The following SGCZ variants were observed in gnomAD, a reference collection of about 807,000 sequenced individuals.
The protein encoded by SGCZ is zeta-sarcoglycan.
In SGCZ, 40 loss-of-function variants were observed where a neutral mutation model predicts 41.3. The ratio of observed to expected loss-of-function variants is 0.97; its 90% CI spans 0.75 to 1.26. SGCZ has a LOEUF of 1.26. Among genes scored for constraint, SGCZ ranks in the 50% most tolerant of loss-of-function variants. The pLI, the probability that SGCZ is intolerant of heterozygous loss-of-function variation, is 0.00. For synonymous variants in SGCZ, 206 were observed against 137.5 expected, an observed-to-expected ratio of 1.50 and a Z score of -3.49; for missense variants, 552 against 369.8, an observed-to-expected ratio of 1.49 and a Z score of -4.04.
intron 1 of SGCZ, among the ~76,000 whole-genome samples, chr8:14,802,856 G>A (rs535731699): frequency 6.6e-6 from 1 of 152,114 alleles, no homozygotes; most frequent in African/African-American, 2.4e-5. Context: ...AAAGCATCCT[G>A]TTACAGGCAC....
chr8:14,905,997 A>T lies in SGCZ; in HGVS notation c.39+331588T>A, dbSNP rs550824343. ...TAGGAATGTGGTTGAAATATTTTTT[A>T]AAAAAATTACAAATATATAAAGTAT... On this transcript the variant is annotated intron_variant, in intron 1 of 7. Coordinates refer to ENST00000382080, the MANE Select transcript of SGCZ (RefSeq NM_139167.4). Among the ~76,000 whole-genome samples the T allele has an allele frequency of 2.3e-3, 351 of 152,170 alleles. 1 individual carries two copies. The highest frequency in any genetic ancestry group is 0.017 in the Middle Eastern group (5 of 294).
intron 3 of SGCZ, among the ~76,000 whole-genome samples, chr8:14,255,949 C>G (rs1282483181): frequency 1.3e-5 from 2 of 152,022 alleles, no homozygotes; most frequent in Non-Finnish European, 2.9e-5. Flanking sequence ...CAGAAACCAA[C>G]AAAACTGCCA....
chr8:14,619,796 C>G (rs1039839163), intron 1 of SGCZ, among the ~76,000 whole-genome samples: 1 of 152,148 alleles, frequency 6.6e-6, no homozygotes, highest in African/African-American at 2.4e-5. Flanking sequence ...AAAGAGGACA[C>G]AAACAAATGG....
chr8:14,378,663 G>A (rs1490664779), intron 2 of SGCZ, among the ~76,000 whole-genome samples: 2 of 152,188 alleles, frequency 1.3e-5, no homozygotes, highest in Non-Finnish European at 2.9e-5. Context: ...CACAAGTATA[G>A]GTAGCCTAGG....
intron 5 of SGCZ, among the ~76,000 whole-genome samples, chr8:14,120,220 C>A (rs1047139191): frequency 6.6e-6 from 1 of 151,986 alleles, no homozygotes; most frequent in Non-Finnish European, 1.5e-5. Flanking sequence ...TAATGGCAGA[C>A]AATTAATAAA....
At chr8:14,620,694 A>C (rs1251582879) in intron 1 of SGCZ, among the ~76,000 whole-genome samples, 1 of 152,246 alleles carries the variant, frequency 6.6e-6, no homozygotes, top group African/African-American at 2.4e-5. Flanking sequence ...AAAAATGCTC[A>C]TCATCACTTG....
intron 4 of SGCZ, among the ~76,000 whole-genome samples, chr8:14,192,748 G>T (rs952343449): frequency 6.6e-6 from 1 of 151,854 alleles, no homozygotes; most frequent in African/African-American, 2.4e-5. Flanking sequence ...ATAAACTTCT[G>T]TAACAAAAAC....
intron 1 of SGCZ, among the ~76,000 whole-genome samples, chr8:15,033,020 G>A (rs929518641): frequency 2.6e-5 from 4 of 152,056 alleles, no homozygotes; most frequent in Non-Finnish European, 5.9e-5. Flanking sequence ...GCCAGCGCCT[G>A]TGGACACAAG....
At chr8:14,495,100 T>A (rs1244538189) in intron 2 of SGCZ, among the ~76,000 whole-genome samples, 1 of 152,150 alleles carries the variant, frequency 6.6e-6, no homozygotes, top group African/African-American at 2.4e-5. Context: ...GATTGTTTCG[T>A]ACCTCTCAAG....
chr8:15,076,058 A>G (rs1367501638), intron 1 of SGCZ, among the ~76,000 whole-genome samples: 2 of 152,202 alleles, frequency 1.3e-5, no homozygotes, highest in Admixed American at 1.3e-4. Context: ...ATAGATACTT[A>G]AAATATGAAG....
chr8:14,716,549 T>C lies in SGCZ; in HGVS notation c.40-161623A>G, dbSNP rs976311046. Among the ~76,000 whole-genome samples, 18 of 152,090 alleles carry C rather than the reference T, an allele frequency of 1.2e-4. No homozygotes were observed. The East Asian group carries it at 1.3e-3, about 11-fold the overall frequency. ...ATAAAGTCGTATTATTTATATGACA[T>C]AGAAAACTAAAACATTAATTTCTTT... is the stretch of plus-strand genomic sequence containing the variant. On this transcript the variant is annotated intron_variant, in intron 1 of 7. Transcript: ENST00000382080.
intron 1 of SGCZ, among the ~76,000 whole-genome samples, chr8:14,899,712 G>A (rs745786145): frequency 6.6e-6 from 1 of 152,220 alleles, no homozygotes; most frequent in Non-Finnish European, 1.5e-5. Flanking sequence ...AAATGGGAGA[G>A]AGGAGGGTAG....
chr8:15,058,143 T>C (rs918107006), intron 1 of SGCZ, among the ~76,000 whole-genome samples: 1 of 152,224 alleles, frequency 6.6e-6, no homozygotes, highest in African/African-American at 2.4e-5. Context: ...GTACCAACCA[T>C]ACACATGAAC....
chr8:14,650,929 A>G (rs1807377837), intron 1 of SGCZ, among the ~76,000 whole-genome samples: 1 of 152,090 alleles, frequency 6.6e-6, no homozygotes, highest in African/African-American at 2.4e-5. Flanking sequence ...TAAGGCAGAG[A>G]ATCTAGAACA....
intron 1 of SGCZ, among the ~76,000 whole-genome samples, chr8:14,848,492 G>C (rs984655044): frequency 2.6e-5 from 4 of 152,110 alleles, no homozygotes; most frequent in African/African-American, 9.7e-5. Flanking sequence ...TGTTGTATTA[G>C]AGAAAATAAT....
chr8:14,748,821 C>A (rs1799414065), intron 1 of SGCZ, among the ~76,000 whole-genome samples: 1 of 152,078 alleles, frequency 6.6e-6, no homozygotes, highest in African/African-American at 2.4e-5. Flanking sequence ...TATGGTGTTA[C>A]AATCCTGACA....
intron 1 of SGCZ, among the ~76,000 whole-genome samples, chr8:14,737,104 A>T (rs957705211): frequency 1.4e-5 from 2 of 142,358 alleles, no homozygotes; most frequent in African/African-American, 5.3e-5. Flanking sequence ...TCTATATACC[A>T]GATACATAAG....
At chr8:14,373,795 G>A (rs570805701) in intron 2 of SGCZ, among the ~76,000 whole-genome samples, 7 of 152,106 alleles carry the variant, frequency 4.6e-5, no homozygotes, top group South Asian at 2.1e-4. Context: ...AGACCTTTTC[G>A]TATGAATGAT....
At chr8:14,369,252 A>G (rs1043570348) in intron 2 of SGCZ, among the ~76,000 whole-genome samples, 1 of 151,944 alleles carries the variant, frequency 6.6e-6, no homozygotes, top group Non-Finnish European at 1.5e-5. Flanking sequence ...ATGATCATAC[A>G]TTGCATTTAA....
Sources: gnomAD v4.1 joint callset for allele counts (sites outside exome capture counted in the v4.1 genomes callset) on GRCh38, gnomAD v4.1.1 for gene constraint, MANE v1.5 for transcripts, NCBI Gene and HGNC (gene_info 2026-07-23, HGNC 2026-07-21) for gene names.